Variants in SDK1 observed in about 807,000 individuals in gnomAD.
SDK1 encodes sidekick cell adhesion molecule 1.
Under a neutral mutation model 245.5 loss-of-function variants are expected in SDK1, and 157 were observed. The ratio of observed to expected loss-of-function variants is 0.64; its 90% CI spans 0.56 to 0.73. The LOEUF (loss-of-function observed/expected upper bound fraction) is 0.73, where lower values mean the gene tolerates loss of function less well. Ranked by LOEUF, SDK1 falls within the 30% of genes least tolerant of loss-of-function variation. SDK1 has a pLI of 0.00. For synonymous variants in SDK1, 1,647 were observed against 1,278.5 expected (o/e 1.29, Z -6.15); for missense variants, 3,583 against 3,002.3 (o/e 1.19, Z -4.52).
chr7:3,962,554 A>T, intron 8 of SDK1, 103 bp from the exon 9 acceptor site: 1 of 1,025,200 alleles, frequency 9.8e-7, no homozygotes, highest in Non-Finnish European at 1.4e-6. Context: ...ACACAAGAAA[A>T]TGCCTATTAA....
intron 5 of SDK1, among the ~76,000 whole-genome samples, chr7:3,837,550 TTGAGGTAAGTTGGG>T (rs1354606198): frequency 6.6e-6 from 1 of 152,212 alleles, no homozygotes; most frequent in African/African-American, 2.4e-5. Context: ...CTCTTCGTTC[TTGAGGTAAGTTGGG>T]TGTTTGTGTT....
chr7:3,813,509 CATT>C (rs1353001703), intron 4 of SDK1, among the ~76,000 whole-genome samples: 1 of 146,538 alleles, frequency 6.8e-6, no homozygotes, highest in Non-Finnish European at 1.5e-5. Flanking sequence ...TCCAGTCTAT[CATT>C]GTTGGACATT....
intron 4 of SDK1, among the ~76,000 whole-genome samples, chr7:3,777,428 C>A (rs762112418): frequency 3.3e-5 from 5 of 152,160 alleles, no homozygotes; most frequent in Admixed American, 2.6e-4. Flanking sequence ...ATCGTCAGGG[C>A]CGGTAGGATG....
chr7:3,975,085 G>A (rs965789108), intron 13 of SDK1, among the ~76,000 whole-genome samples: 2 of 152,094 alleles, frequency 1.3e-5, no homozygotes, highest in South Asian at 4.1e-4. Flanking sequence ...GGACCTTCCT[G>A]GGGGTTCCAA....
At chr7:3,652,494 A>G (rs1783040766) in intron 4 of SDK1, among the ~76,000 whole-genome samples, 1 of 152,202 alleles carries the variant, frequency 6.6e-6, no homozygotes, top group Non-Finnish European at 1.5e-5. Context: ...ATGCGCACGG[A>G]TGCATGTGGT....
intron 26 of SDK1, chr7:4,129,554 C>A: frequency 1.5e-6 from 1 of 671,712 alleles, no homozygotes; most frequent in Non-Finnish European, 2.0e-6. Context: ...GCTGCTGGCT[C>A]CTGTGGCAGG....
chr7:3,701,942 A>G (rs527982585), intron 4 of SDK1, among the ~76,000 whole-genome samples: 22 of 150,038 alleles, frequency 1.5e-4, no homozygotes, highest in African/African-American at 2.2e-4. Flanking sequence ...AAAAAAAAAA[A>G]AAAGAAAAAA....
At chr7:3,323,507 G>T (rs1253248857) in intron 1 of SDK1, among the ~76,000 whole-genome samples, 1 of 152,254 alleles carries the variant, frequency 6.6e-6, no homozygotes, top group East Asian at 1.9e-4. Context: ...GTCATGTTCA[G>T]TTCCTGTGGC....
chr7:3,556,140 C>T (rs529026839), intron 1 of SDK1, among the ~76,000 whole-genome samples: 1 of 152,260 alleles, frequency 6.6e-6, no homozygotes, highest in South Asian at 2.1e-4. Context: ...GCACTATTCA[C>T]AATAGCCAAC....
chr7:3,322,627 T>C (rs979119791), intron 1 of SDK1, among the ~76,000 whole-genome samples: 9 of 152,212 alleles, frequency 5.9e-5, no homozygotes, highest in Admixed American at 1.3e-4. Flanking sequence ...GATTGTTGCC[T>C]ACACTTACTT....
intron 14 of SDK1, among the ~76,000 whole-genome samples, chr7:3,997,565 A>G (rs1784774944): frequency 6.6e-6 from 1 of 152,056 alleles, no homozygotes; most frequent in African/African-American, 2.4e-5. Flanking sequence ...GAGGTTGTTC[A>G]ATGTCTGCAG....
chr7:3,661,773 G>A (rs1305990133), intron 4 of SDK1, among the ~76,000 whole-genome samples: 1 of 152,160 alleles, frequency 6.6e-6, no homozygotes, highest in Non-Finnish European at 1.5e-5. Flanking sequence ...TTCAGACCCT[G>A]GCTGTGATAC....
intron 1 of SDK1, among the ~76,000 whole-genome samples, chr7:3,389,668 G>A (rs893529754): frequency 6.6e-6 from 1 of 152,240 alleles, no homozygotes; most frequent in African/African-American, 2.4e-5. Context: ...AGGAGGCTGA[G>A]GCAGGGGAAT....
chr7:4,178,684 G>T (rs529326433), intron 35 of SDK1, 98 bp downstream of exon 35: 5 of 828,380 alleles, frequency 6.0e-6, no homozygotes, highest in Admixed American at 1.9e-5. Flanking sequence ...GTCCAGCAGC[G>T]TTCTTTCTCC....
chr7:4,210,436 A>T (rs1784453631), intron 38 of SDK1, among the ~76,000 whole-genome samples: 1 of 152,152 alleles, frequency 6.6e-6, no homozygotes, highest in Non-Finnish European at 1.5e-5. Flanking sequence ...GCCGTGTCAT[A>T]TATGCCCTTG....
At chr7:4,205,394 G>A (rs915814518) in intron 35 of SDK1, among the ~76,000 whole-genome samples, 11 of 152,026 alleles carry the variant, frequency 7.2e-5, no homozygotes, top group South Asian at 2.1e-4. Context: ...CGATAGAGCC[G>A]CAGTGACCCT....
intron 26 of SDK1, among the ~76,000 whole-genome samples, chr7:4,128,834 C>T (rs1784572791): frequency 7.9e-6 from 1 of 126,164 alleles, no homozygotes; most frequent in Non-Finnish European, 1.6e-5. Flanking sequence ...AATAGAGCAG[C>T]TTGGAGTGGG....
intron 5 of SDK1, among the ~76,000 whole-genome samples, chr7:3,825,107 A>T (rs1472392474): frequency 6.6e-6 from 1 of 152,104 alleles, no homozygotes; most frequent in Non-Finnish European, 1.5e-5. Context: ...TGAATTTTTC[A>T]TGGCCAGCTC....
chr7:4,182,686 C>T (rs571236485), intron 35 of SDK1, among the ~76,000 whole-genome samples: 76 of 152,300 alleles, frequency 5.0e-4, no homozygotes, highest in African/African-American at 1.7e-3. Flanking sequence ...CACCATCTGC[C>T]GCCCAGGCAC....
Sources: gnomAD v4.1 joint callset for allele counts (sites outside exome capture counted in the v4.1 genomes callset) on GRCh38, gnomAD v4.1.1 for gene constraint, MANE v1.5 for transcripts, NCBI Gene and HGNC (gene_info 2026-07-23, HGNC 2026-07-21) for gene names.